The following AP3B1 variants were observed in gnomAD, a reference collection of about 807,000 sequenced individuals.
AP3B1 encodes adaptor related protein complex 3 subunit beta 1.
AP3B1 carries 61 observed loss-of-function variants against 132.5 expected under a neutral mutation model. That is an observed-to-expected ratio of 0.46 (90% CI 0.37 to 0.57). The LOEUF is 0.57. AP3B1 is among the 20% of genes least tolerant of loss of function. AP3B1 has a pLI of 0.00. For missense variants in AP3B1, 1,120 were observed against 1,289.4 expected (o/e 0.87, Z 2.01); for synonymous variants, 388 against 438.3 (o/e 0.89, Z 1.43).
intron 21 of AP3B1, among the ~76,000 whole-genome samples, chr5:78,090,941 T>A (rs1237896998): frequency 1.3e-5 from 2 of 151,774 alleles, no homozygotes; most frequent in Non-Finnish European, 2.9e-5. Context: ...CCCAGCCTTT[T>A]TTTTTTATTT....
chr5:78,145,787 C>T (rs1171783057), intron 14 of AP3B1, among the ~76,000 whole-genome samples: 1 of 152,160 alleles, frequency 6.6e-6, no homozygotes, highest in Non-Finnish European at 1.5e-5. Context: ...TATAGTGGGA[C>T]ATTTTCCCAC....
chr5:78,281,434 CAAAAAAA>C (rs36002317), intron 1 of AP3B1, among the ~76,000 whole-genome samples: 1 of 68,256 alleles, frequency 1.5e-5, no homozygotes, highest in African/African-American at 6.1e-5. Context: ...AACTCTGCCT[CAAAAAAA>C]AAAAAAAAAA....
chr5:78,143,612 C>G (rs551441498), intron 14 of AP3B1, among the ~76,000 whole-genome samples: 4 of 152,136 alleles, frequency 2.6e-5, no homozygotes, highest in African/African-American at 7.2e-5. Flanking sequence ...CCTTTCTCTT[C>G]CCATTAAGCA....
At chr5:78,238,756 T>G (rs1201191816) in intron 3 of AP3B1, among the ~76,000 whole-genome samples, 1 of 151,508 alleles carries the variant, frequency 6.6e-6, no homozygotes, top group Non-Finnish European at 1.5e-5. Flanking sequence ...ATAGGAAGAA[T>G]AGAAGACAAA....
chr5:78,228,424 A>G (rs1414993878), intron 3 of AP3B1, among the ~76,000 whole-genome samples, 185 bp from the exon 4 acceptor site: 1 of 152,260 alleles, frequency 6.6e-6, no homozygotes, highest in African/African-American at 2.4e-5. Context: ...TAAAGTAAGC[A>G]TTTTAATAGT....
At chr5:78,073,005 C>A (rs992730330) in intron 22 of AP3B1, among the ~76,000 whole-genome samples, 1 of 152,036 alleles carries the variant, frequency 6.6e-6, no homozygotes, top group Non-Finnish European at 1.5e-5. Flanking sequence ...CAGGCGTGAG[C>A]CACCACGCCC....
At chr5:78,278,598 C>CAAAA (rs1181601782) in intron 1 of AP3B1, among the ~76,000 whole-genome samples, 3 of 10,320 alleles carry the variant, frequency 2.9e-4, no homozygotes, top group Non-Finnish European at 3.8e-4. Flanking sequence ...GACTCCGTCT[C>CAAAA]AAAAAAAAAA....
chr5:78,086,547 G>A (rs1388071392), intron 22 of AP3B1, among the ~76,000 whole-genome samples: 2 of 152,164 alleles, frequency 1.3e-5, no homozygotes, highest in African/African-American at 4.8e-5. Context: ...TCAAGAGCCT[G>A]TGGTTTTCAC....
intron 7 of AP3B1, among the ~76,000 whole-genome samples, chr5:78,211,558 G>T (rs1400138291): frequency 6.6e-6 from 1 of 152,078 alleles, no homozygotes; most frequent in African/African-American, 2.4e-5. Context: ...ACGAATTTTC[G>T]ATTCCTCAAC....
chr5:78,066,950 G>C (rs1199967777), intron 22 of AP3B1, among the ~76,000 whole-genome samples: 1 of 152,166 alleles, frequency 6.6e-6, no homozygotes, highest in East Asian at 1.9e-4. Flanking sequence ...AAGCCCATCA[G>C]ACTGACAGCA....
At chr5:78,051,092 G>A (rs552202786) in intron 22 of AP3B1, among the ~76,000 whole-genome samples, 7 of 152,270 alleles carry the variant, frequency 4.6e-5, no homozygotes, top group African/African-American at 1.7e-4. Context: ...CATGATGCCT[G>A]TAGATACACA....
At chr5:78,035,586 T>C (rs1338716318) in intron 23 of AP3B1, among the ~76,000 whole-genome samples, 1 of 152,016 alleles carries the variant, frequency 6.6e-6, no homozygotes, top group African/African-American at 2.4e-5. Flanking sequence ...ATAGGCTCAA[T>C]GAGGAGTAAG....
chr5:78,103,398 G>A (rs930686441), intron 20 of AP3B1, among the ~76,000 whole-genome samples: 18 of 152,046 alleles, frequency 1.2e-4, no homozygotes, highest in African/African-American at 3.4e-4. Context: ...ATTTCACACC[G>A]CAGCATGAGC....
intron 21 of AP3B1, among the ~76,000 whole-genome samples, chr5:78,098,901 AGACAAGAAT>A (rs149356270): frequency 0.017 from 2,620 of 152,312 alleles, 76 homozygotes; most frequent in African/African-American, 0.059. Context: ...AATGCCATGA[AGACAAGAAT>A]GACAAGAATA....
intron 1 of AP3B1, among the ~76,000 whole-genome samples, chr5:78,274,223 A>AACTGAAAAGTATAGT (rs1748677311): frequency 6.6e-6 from 1 of 152,052 alleles, no homozygotes; most frequent in African/African-American, 2.4e-5. Context: ...GGACATTCAG[A>AACTGAAAAGTATAGT]ACTGAAAAGT....
intron 22 of AP3B1, among the ~76,000 whole-genome samples, chr5:78,084,493 C>A (rs1352814103): frequency 8.6e-6 from 1 of 116,454 alleles, no homozygotes; most frequent in African/African-American, 3.4e-5. Context: ...CAATGTACTC[C>A]AACCTGGGCG....
At chr5:78,244,553 A>G (rs557089116) in intron 2 of AP3B1, among the ~76,000 whole-genome samples, 2 of 152,338 alleles carry the variant, frequency 1.3e-5, no homozygotes, top group Admixed American at 1.3e-4. Context: ...AGATATGCTG[A>G]GAAGCCAGCT....
chr5:78,128,296 T>G lies in AP3B1; in HGVS notation c.1838-136A>C. 5.1e-6 allele frequency: 4 copies of G among 789,910 alleles called. No homozygotes were observed. In the South Asian group the frequency reaches 5.1e-5, roughly 10 times the overall value. The allele number at this position is 789,910 out of a possible 1,614,324, so 48.9% of individuals were successfully genotyped here. A position where few individuals can be genotyped will look rare whatever the true frequency, so the allele number is the denominator to read the frequency against. The stretch of plus-strand genomic sequence containing the variant: ...TAAATATAGACTAGGAAGCTCTTCA[T>G]AGGTCAAAAAACTGATTTCAGTCCA... On this transcript the variant is annotated intron_variant, in intron 16 of 26. Transcript: ENST00000255194.
chr5:78,065,694 A>G (rs1424180935), intron 22 of AP3B1, among the ~76,000 whole-genome samples: 1 of 152,174 alleles, frequency 6.6e-6, no homozygotes, highest in Non-Finnish European at 1.5e-5. Flanking sequence ...GGGGAAGGGC[A>G]GCCATGGTCT....
Sources: gnomAD v4.1 joint callset for allele counts (sites outside exome capture counted in the v4.1 genomes callset) on GRCh38, gnomAD v4.1.1 for gene constraint, MANE v1.5 for transcripts, NCBI Gene and HGNC (gene_info 2026-07-23, HGNC 2026-07-21) for gene names.